PARD3B: variants seen among roughly 807,000 people sequenced by gnomAD.
PARD3B encodes partitioning defective 3 homolog B.
Under a neutral mutation model 130.2 loss-of-function variants are expected in PARD3B, and 103 were observed. That is an observed-to-expected ratio of 0.79 (90% CI 0.67 to 0.93). PARD3B has a LOEUF of 0.93. Among genes scored for constraint, PARD3B ranks in the 40% least tolerant of loss-of-function variants. The probability of loss-of-function intolerance (pLI) is 0.00; values close to 1 mark genes in which losing one functional copy is unlikely to be tolerated. For missense variants in PARD3B, 1,609 were observed against 1,499.2 expected, an observed-to-expected ratio of 1.07 and a Z score of -1.21; for synonymous variants, 583 against 553.2, an observed-to-expected ratio of 1.05 and a Z score of -0.76.
chr2:205,168,486 A>G (rs866476350), intron 11 of PARD3B, among the ~76,000 whole-genome samples: 2 of 152,164 alleles, frequency 1.3e-5, no homozygotes, highest in Non-Finnish European at 2.9e-5. Context: ...TAAAAACCAT[A>G]AAAAGCTGAT....
At chr2:205,365,392 AAG>A (rs1491008423) in intron 18 of PARD3B, among the ~76,000 whole-genome samples, 6 of 143,588 alleles carry the variant, frequency 4.2e-5, no homozygotes, top group Admixed American at 1.4e-4. Context: ...GAAAAAAAAA[AAG>A]AAAGAAAAGA....
At chr2:205,487,788 T>C (rs2049503281) in intron 20 of PARD3B, among the ~76,000 whole-genome samples, 1 of 152,236 alleles carries the variant, frequency 6.6e-6, no homozygotes, top group African/African-American at 2.4e-5. Context: ...GTCAGATATG[T>C]ATTCTTAAAA....
chr2:205,613,552 T>G (rs1156559794), intron 22 of PARD3B, among the ~76,000 whole-genome samples: 2 of 152,330 alleles, frequency 1.3e-5, no homozygotes, highest in East Asian at 1.9e-4. Flanking sequence ...TGACAGATTA[T>G]CCATTTGTGC....
intron 20 of PARD3B, among the ~76,000 whole-genome samples, chr2:205,449,299 A>C (rs1315244336): frequency 6.7e-6 from 1 of 150,104 alleles, no homozygotes; most frequent in Non-Finnish European, 1.5e-5. Context: ...GCGCGATCTC[A>C]GCTCACTGCT....
At chr2:205,510,076 G>C (rs1433140468) in intron 21 of PARD3B, among the ~76,000 whole-genome samples, 1 of 152,220 alleles carries the variant, frequency 6.6e-6, no homozygotes, top group African/African-American at 2.4e-5. Context: ...AGGAGACTCT[G>C]AAGCTAGGCT....
chr2:205,018,600 C>T (rs1354684768), intron 3 of PARD3B, among the ~76,000 whole-genome samples: 1 of 151,800 alleles, frequency 6.6e-6, no homozygotes, highest in East Asian at 1.9e-4. Context: ...AACTCATGCA[C>T]TTAAATGCAT....
At chr2:204,950,388 T>G (rs1689671179) in intron 2 of PARD3B, among the ~76,000 whole-genome samples, 1 of 152,170 alleles carries the variant, frequency 6.6e-6, no homozygotes, top group Non-Finnish European at 1.5e-5. Flanking sequence ...TCCCTACATT[T>G]AAAAAGTGGT....
chr2:205,125,754 A>T lies in PARD3B; in HGVS notation c.1434+17A>T. ...CGAGAGTTGGTAATGTTCAGATCTC[A>T]GTCTCACTGAATTTTTAATGCCGAG... On this transcript the variant is annotated intron_variant, in intron 10 of 22. Transcript: ENST00000406610. The surrounding 1 kb of genome is among the most constrained non-coding windows in gnomAD (Gnocchi z 4.0). 1 of 1,612,706 alleles carries T rather than the reference A, an allele frequency of 6.2e-7. No individual in the cohort carries two copies. Among genetic ancestry groups the T allele is most frequent in the East Asian group, 2.2e-5 (1 of 44,824 alleles).
At chr2:205,394,790 G>C (rs926260431) in intron 18 of PARD3B, among the ~76,000 whole-genome samples, 2 of 152,154 alleles carry the variant, frequency 1.3e-5, no homozygotes, top group African/African-American at 4.8e-5. Context: ...ACATAGAATA[G>C]CCAAATTCAT....
chr2:204,855,221 T>A (rs1249144597), intron 2 of PARD3B, among the ~76,000 whole-genome samples: 1 of 152,138 alleles, frequency 6.6e-6, no homozygotes, highest in Non-Finnish European at 1.5e-5. Flanking sequence ...CTCTAAAAAA[T>A]GTATTTTACA....
intron 2 of PARD3B, among the ~76,000 whole-genome samples, chr2:204,918,685 A>C (rs994185727): frequency 2.0e-5 from 3 of 152,034 alleles, no homozygotes; most frequent in African/African-American, 4.8e-5. Flanking sequence ...CTGAGGTGTA[A>C]AATTTGCAAA....
intron 1 of PARD3B, among the ~76,000 whole-genome samples, chr2:204,549,301 A>G (rs1178385627): frequency 2.6e-5 from 4 of 152,160 alleles, no homozygotes; most frequent in Non-Finnish European, 4.4e-5. Flanking sequence ...CTGACACTTT[A>G]TCAGTGTCCC....
At chr2:204,986,040 G>A (rs2125225450) in intron 3 of PARD3B, among the ~76,000 whole-genome samples, 2 of 139,886 alleles carry the variant, frequency 1.4e-5, no homozygotes, top group South Asian at 4.5e-4. Context: ...GGTGGAGCTT[G>A]CAGTGAGCCG....
chr2:205,111,364 C>G (rs559601802), intron 5 of PARD3B, among the ~76,000 whole-genome samples: 2 of 152,026 alleles, frequency 1.3e-5, no homozygotes, highest in South Asian at 2.1e-4. Flanking sequence ...AAAGGAGAAT[C>G]TCATAAAATA....
chr2:205,283,118 T>A (rs1166189725), intron 16 of PARD3B, among the ~76,000 whole-genome samples: 1 of 152,224 alleles, frequency 6.6e-6, no homozygotes, highest in Non-Finnish European at 1.5e-5. Context: ...CTCCGCTCTA[T>A]CTTAAATATA....
intron 3 of PARD3B, among the ~76,000 whole-genome samples, chr2:205,028,234 A>G (rs1422379472): frequency 2.0e-5 from 3 of 152,226 alleles, no homozygotes; most frequent in East Asian, 3.9e-4. Flanking sequence ...TGAGTCTTCA[A>G]TTTCTTTCAA....
chr2:205,396,903 C>T (rs2046051032), intron 18 of PARD3B, among the ~76,000 whole-genome samples: 2 of 152,162 alleles, frequency 1.3e-5, no homozygotes, highest in South Asian at 4.1e-4. Context: ...TCCTCAATTC[C>T]TCTTTCTATA....
intron 4 of PARD3B, among the ~76,000 whole-genome samples, chr2:205,054,436 ATTTTTTTTTTTTTT>A (rs769918623): frequency 7.0e-5 from 2 of 28,438 alleles, no homozygotes; most frequent in Non-Finnish European, 1.1e-4. Context: ...ATATATATAT[ATTTTTTTTTTTTTT>A]TTTTTTTAAT....
At chr2:204,608,091 A>G (rs1217050136) in intron 1 of PARD3B, among the ~76,000 whole-genome samples, 2 of 152,188 alleles carry the variant, frequency 1.3e-5, no homozygotes, top group Non-Finnish European at 2.9e-5. Flanking sequence ...GCAGTTAGCT[A>G]CTGCATAAAT....
Sources: gnomAD v4.1 joint callset for allele counts (sites outside exome capture counted in the v4.1 genomes callset) on GRCh38, gnomAD v4.1.1 for gene constraint, Gnocchi (gnomAD v3.1) non-coding constraint, MANE v1.5 for transcripts, NCBI Gene and HGNC (gene_info 2026-07-23, HGNC 2026-07-21) for gene names.